ALDH1A2: variants seen among roughly 807,000 people sequenced by gnomAD.
ALDH1A2 encodes retinal dehydrogenase 2.
Under a neutral mutation model 60.3 loss-of-function variants are expected in ALDH1A2, and 27 were observed. The observed-to-expected ratio is 0.45, with a 90% confidence interval of 0.33 to 0.62. The LOEUF (loss-of-function observed/expected upper bound fraction) is 0.62. Among genes scored for constraint, ALDH1A2 ranks in the 20% least tolerant of loss-of-function variants. The probability of loss-of-function intolerance (pLI) is 0.02; values close to 1 mark genes in which losing one functional copy is unlikely to be tolerated. For missense variants in ALDH1A2, 581 were observed against 643.8 expected, an observed-to-expected ratio of 0.90 and a Z score of 1.06; for synonymous variants, 289 against 232.4, an observed-to-expected ratio of 1.24 and a Z score of -2.21.
intron 1 of ALDH1A2, 67 bp from the exon 2 acceptor site, chr15:58,014,348 G>A: frequency 2.6e-6 from 3 of 1,151,868 alleles, no homozygotes; most frequent in Non-Finnish European, 3.9e-6. Flanking sequence ...ACGGCCAAGT[G>A]TTACGGAACT....
At chr15:57,989,963 G>A (rs544058588) in intron 7 of ALDH1A2, among the ~76,000 whole-genome samples, 42 of 52,504 alleles carry the variant, frequency 8.0e-4, no homozygotes, top group Middle Eastern at 0.016. Flanking sequence ...ACTGCAGTCC[G>A]CAGTCCAGCC....
chr15:57,981,372 T>G (rs758068874), intron 7 of ALDH1A2, among the ~76,000 whole-genome samples: 1 of 150,490 alleles, frequency 6.6e-6, no homozygotes, highest in Non-Finnish European at 1.5e-5. Context: ...ATTTGTAAAA[T>G]ATTTACAAAA....
At chr15:58,056,215 T>C (rs1296181153) in intron 1 of ALDH1A2, among the ~76,000 whole-genome samples, 2 of 152,146 alleles carry the variant, frequency 1.3e-5, no homozygotes, top group Non-Finnish European at 2.9e-5. Context: ...AACACAGCAC[T>C]GTTCTTAGTT....
rs1893441996 is a variant in ALDH1A2 at position 57,954,257 on chromosome 15, C to T, written c.*940G>A. The stretch of plus-strand genomic sequence containing the variant: ...ACAGATTCCAACTACAGAAATAATT[C>T]ATTTAATAATAATTGTTGCCCAATA... On this transcript the variant is annotated 3_prime_UTR_variant, in exon 13 of 13. Coordinates refer to ENST00000249750, the MANE Select transcript of ALDH1A2 (RefSeq NM_003888.4). 1 of 152,376 alleles carries T rather than the reference C, an allele frequency of 6.6e-6. No individual in the cohort carries two copies. Among genetic ancestry groups the T allele is most frequent in the African/African-American group, 2.4e-5 (1 of 41,440 alleles). 9.4% of individuals were successfully genotyped at this position (152,376 alleles called of 1,614,324 possible).
chr15:57,965,619 C>CTTAGCTTCAAATATCTTT (rs1385514045), intron 8 of ALDH1A2, 106 bp downstream of exon 8: 5 of 911,538 alleles, frequency 5.5e-6, no homozygotes, highest in Non-Finnish European at 7.4e-6. Context: ...TTTGATTGCC[C>CTTAGCTTCAAATATCTTT]TTAGCTTCAA....
intron 1 of ALDH1A2, among the ~76,000 whole-genome samples, chr15:58,032,248 T>G (rs1438706868): frequency 6.6e-6 from 1 of 151,754 alleles, no homozygotes; most frequent in Non-Finnish European, 1.5e-5. Flanking sequence ...AGCAAACTAT[T>G]GCAAGGACGA....
At chr15:57,974,443 AAAAAAAAAAAG>A (rs1457617588) in intron 7 of ALDH1A2, among the ~76,000 whole-genome samples, 1 of 151,536 alleles carries the variant, frequency 6.6e-6, no homozygotes. Context: ...AAAAAAAAAA[AAAAAAAAAAAG>A]AAAGAAATAG....
chr15:57,963,812 CCTA>C (rs1237594686), intron 9 of ALDH1A2, 70 bp downstream of exon 9: 1 of 1,511,074 alleles, frequency 6.6e-7, no homozygotes, highest in Non-Finnish European at 9.2e-7. Context: ...TTTGCTGGGA[CCTA>C]CTACAGTGTA....
intron 11 of ALDH1A2, 115 bp downstream of exon 11, chr15:57,961,022 T>C: frequency 6.9e-7 from 1 of 1,444,492 alleles, no homozygotes; most frequent in Non-Finnish European, 9.6e-7. Context: ...ACCCCTTTTC[T>C]GGTGAACTTT....
At chr15:58,028,785 G>T (rs1385799934) in intron 1 of ALDH1A2, among the ~76,000 whole-genome samples, 1 of 152,010 alleles carries the variant, frequency 6.6e-6, no homozygotes, top group Non-Finnish European at 1.5e-5. Context: ...AACCAACAAA[G>T]ATCAAAAGAG....
chr15:57,977,692 T>C (rs1894311236), intron 7 of ALDH1A2, among the ~76,000 whole-genome samples: 1 of 152,250 alleles, frequency 6.6e-6, no homozygotes, highest in African/African-American at 2.4e-5. Flanking sequence ...GTCTTGGCTA[T>C]ACAGGGTCTT....
chr15:57,962,499 G>T (rs1362971998), intron 9 of ALDH1A2, among the ~76,000 whole-genome samples: 1 of 152,136 alleles, frequency 6.6e-6, no homozygotes, highest in Non-Finnish European at 1.5e-5. Flanking sequence ...TCATATGAGG[G>T]AAAATTGACT....
chr15:57,960,693 AACTATTTTTT>A, intron 12 of ALDH1A2, 67 bp downstream of exon 12: 2 of 1,277,504 alleles, frequency 1.6e-6, no homozygotes, highest in Admixed American at 3.4e-5. Context: ...AAGATAATTA[AACTATTTTTT>A]AAGTACTGCT....
intron 7 of ALDH1A2, among the ~76,000 whole-genome samples, chr15:57,992,218 C>G (rs1192176762): frequency 6.6e-6 from 1 of 152,084 alleles, no homozygotes; most frequent in African/African-American, 2.4e-5. Context: ...GACCACGTTG[C>G]CTCCAAAATT....
At chr15:58,046,356 G>A (rs1896640474) in intron 1 of ALDH1A2, among the ~76,000 whole-genome samples, 1 of 152,102 alleles carries the variant, frequency 6.6e-6, no homozygotes, top group African/African-American at 2.4e-5. Context: ...CCCCAAGACA[G>A]GTGTAGAGTT....
chr15:58,055,258 T>A (rs1449672842), intron 1 of ALDH1A2, among the ~76,000 whole-genome samples: 1 of 152,016 alleles, frequency 6.6e-6, no homozygotes, highest in African/African-American at 2.4e-5. Flanking sequence ...TAATACAATA[T>A]CCACATCGTA....
chr15:58,060,582 G>T (rs1425965079), intron 1 of ALDH1A2, among the ~76,000 whole-genome samples: 2 of 149,398 alleles, frequency 1.3e-5, no homozygotes, highest in African/African-American at 5.0e-5. Context: ...TTCTGACCAG[G>T]ATTTGATCAA....
In ALDH1A2 at chr15:58,049,436, C is replaced by T. The variant is rs551633171; in HGVS notation, c.117+16098G>A. On this transcript the variant is annotated intron_variant, in intron 1 of 12. Coordinates refer to ENST00000249750, the MANE Select transcript of ALDH1A2 (RefSeq NM_003888.4). ...ATAAGATATTGGATTACTGAAAAGC[C>T]TAACATAGTATGCACTGAGACTTTT... Among the ~76,000 whole-genome samples, 14 of 152,174 alleles carry T rather than the reference C, an allele frequency of 9.2e-5. No individual in the cohort carries two copies. The South Asian group carries it at 2.9e-3, about 32-fold the overall frequency.
At chr15:58,006,872 A>T (rs1322252831) in intron 4 of ALDH1A2, among the ~76,000 whole-genome samples, 1 of 151,580 alleles carries the variant, frequency 6.6e-6, no homozygotes, top group African/African-American at 2.4e-5. Flanking sequence ...AAAAAAAAAA[A>T]AAAAGTGTCC....
Sources: gnomAD v4.1 joint callset for allele counts (sites outside exome capture counted in the v4.1 genomes callset) on GRCh38, gnomAD v4.1.1 for gene constraint, MANE v1.5 for transcripts, NCBI Gene and HGNC (gene_info 2026-07-23, HGNC 2026-07-21) for gene names.